SLC12A1: variants seen among roughly 807,000 people sequenced by gnomAD.
The protein encoded by SLC12A1 is solute carrier family 12 member 1, also known as Na-K-2Cl cotransporter.
Under a neutral mutation model 130.4 loss-of-function variants are expected in SLC12A1, and 89 were observed. That is an observed-to-expected ratio of 0.68 (90% confidence interval 0.58 to 0.81). The LOEUF (loss-of-function observed/expected upper bound fraction) is 0.81, where lower values mean the gene tolerates loss of function less well. Among genes scored for constraint, SLC12A1 ranks in the 40% least tolerant of loss-of-function variants. The pLI is 0.00. For missense variants in SLC12A1, 1,310 were observed against 1,336.4 expected (o/e 0.98, Z 0.31); for synonymous variants, 499 against 460.0 (o/e 1.08, Z -1.09).
intron 2 of SLC12A1, among the ~76,000 whole-genome samples, chr15:48,211,718 G>A (rs932293695): frequency 4.6e-5 from 7 of 152,072 alleles, no homozygotes; most frequent in East Asian, 3.8e-4. Context: ...TGGATTTTGC[G>A]TAAATTTTGG....
chr15:48,212,337 C>T (rs552447780), intron 2 of SLC12A1, among the ~76,000 whole-genome samples: 1 of 152,300 alleles, frequency 6.6e-6, no homozygotes, highest in Non-Finnish European at 1.5e-5. Flanking sequence ...TAAACATACA[C>T]ATATATCTAT....
chr15:48,302,785 A>G lies in SLC12A1; in HGVS notation c.3200A>G (p.Asp1067Gly). The change falls in exon 27 of 27, where the codon GAT becomes GGT. Residue 1067 changes from aspartate to glycine, a missense_variant. Coordinates refer to ENST00000380993, the MANE Select transcript of SLC12A1 (RefSeq NM_000338.3). The part of the protein sequence containing the change: ...LPVARKGSIS[D>G]LLYMAWLEIL... ...GTGGCAAGAAAGGGATCCATATCGG[A>G]TTTGTTGTATATGGCTTGGTTGGAA... The G allele has an allele frequency of 2.5e-6, 4 of 1,613,244 alleles. No individual in the cohort carries two copies. The highest frequency in any genetic ancestry group is 2.5e-6 in the Non-Finnish European group (3 of 1,179,504).
chr15:48,222,066 G>C (rs968401613), intron 4 of SLC12A1, among the ~76,000 whole-genome samples: 2 of 152,192 alleles, frequency 1.3e-5, no homozygotes, highest in African/African-American at 2.4e-5. Context: ...ACAGAGGGCT[G>C]CTTGCCGGTT....
At chr15:48,248,546 T>A (rs569675778) in intron 13 of SLC12A1, among the ~76,000 whole-genome samples, 2 of 152,242 alleles carry the variant, frequency 1.3e-5, no homozygotes, top group African/African-American at 2.4e-5. Context: ...CCTACTTTCT[T>A]GTTGGTATCC....
chr15:48,213,237 T>A (rs578254616), intron 2 of SLC12A1, among the ~76,000 whole-genome samples: 2 of 152,196 alleles, frequency 1.3e-5, no homozygotes, highest in African/African-American at 4.8e-5. Context: ...CACTTTTCAT[T>A]AACTCATTCA....
intron 2 of SLC12A1, among the ~76,000 whole-genome samples, chr15:48,218,785 G>T (rs2041160285): frequency 6.6e-6 from 1 of 152,122 alleles, no homozygotes; most frequent in Non-Finnish European, 1.5e-5. Context: ...TCCTAGAAAA[G>T]AAAACTGTTT....
At position 48,284,009 on chromosome 15, in the gene SLC12A1, C is replaced by T. The variant is rs1185870845; in HGVS notation, c.2486-1097C>T. Among the ~76,000 whole-genome samples the T allele has an allele frequency of 3.3e-5, 5 of 152,142 alleles. No homozygotes were observed. The South Asian group carries it at 6.2e-4, about 19-fold the overall frequency. On this transcript the variant is annotated intron_variant, in intron 20 of 26. Transcript: ENST00000380993. Reference sequence around the variant, plus strand: ...GCAGCTAGGAAATTTTCGTCACAATCGGAATCCAAAAAAGATAAAAGGCAG... The same window carrying T: ...GCAGCTAGGAAATTTTCGTCACAATTGGAATCCAAAAAAGATAAAAGGCAG...
chr15:48,256,182 G>A (rs1597433184), intron 16 of SLC12A1, among the ~76,000 whole-genome samples: 1 of 152,302 alleles, frequency 6.6e-6, no homozygotes, highest in East Asian at 1.9e-4. Flanking sequence ...ACTAGGTAAT[G>A]TGACTTCAGA....
At position 48,267,801 on chromosome 15, in the gene SLC12A1, C is replaced by T. The variant is rs559039363; in HGVS notation, c.2295+100C>T. On this transcript the variant is annotated intron_variant, in intron 18 of 26. Transcript: ENST00000380993. ...GAACAGCTGTAGTTAGGCAGCCAAG[C>T]ATCAGAGATCAGTGCAGATGGTTAA... 1.1e-5 allele frequency: 14 copies of T among 1,282,518 alleles called. No homozygotes were observed. In the African/African-American group the frequency reaches 1.9e-4, roughly 17 times the overall value. The allele number at this position is 1,282,518 out of a possible 1,614,324, so 79.4% of individuals were successfully genotyped here.
At chr15:48,230,336 A>C (rs957458166) in intron 6 of SLC12A1, 57 bp from the exon 7 acceptor site, 6 of 1,024,792 alleles carry the variant, frequency 5.9e-6, no homozygotes, top group Admixed American at 1.9e-5. Context: ...AAATGCTGCA[A>C]TAAGACTCAC....
intron 18 of SLC12A1, among the ~76,000 whole-genome samples, chr15:48,268,243 T>C (rs898727985): frequency 6.6e-6 from 1 of 152,178 alleles, no homozygotes; most frequent in Non-Finnish European, 1.5e-5. Context: ...AGTTCTCACA[T>C]CTTTTTTCCC....
At position 48,279,461 on chromosome 15, in the gene SLC12A1, C is replaced by T. The variant is rs180895938; in HGVS notation, c.2485+4808C>T. Reference sequence around the variant, plus strand: ...GCTTTATAGATAATTTACCAGCTAACGACAATTATTTTTATATTGTATCAC... The same window carrying T: ...GCTTTATAGATAATTTACCAGCTAATGACAATTATTTTTATATTGTATCAC... On this transcript the variant is annotated intron_variant, in intron 20 of 26. Transcript: ENST00000380993. Among the ~76,000 whole-genome samples the T allele has an allele frequency of 1.2e-3, 188 of 152,228 alleles. 2 individuals are homozygous for T. Among genetic ancestry groups the T allele is most frequent in the Admixed American group, 0.01 (155 of 15,284 alleles).
chr15:48,210,602 C>T (rs1212317970), intron 2 of SLC12A1, among the ~76,000 whole-genome samples: 2 of 151,580 alleles, frequency 1.3e-5, no homozygotes, highest in African/African-American at 2.4e-5. Context: ...TGCCTGTAAT[C>T]CTAGCACTTT....
chr15:48,259,250 T>C lies in SLC12A1; in HGVS notation c.2093T>C (p.Leu698Pro). The change falls in exon 17 of 27, where the codon CTG becomes CCG. Residue 698 changes from leucine (L) to proline (P), a missense_variant. Transcript: ENST00000380993. ...TGGPMTRPAL[L>P]DITHAFTKNS... ...GGACCCATGACAAGACCTGCTCTCC[T>C]GGACATAACTCACGCCTTTACCAAG... 1 of 1,613,926 alleles carries C rather than the reference T, an allele frequency of 6.2e-7. No homozygotes were observed. The highest frequency in any genetic ancestry group is 8.5e-7 in the Non-Finnish European group (1 of 1,179,826).
At chr15:48,289,854 A>G (rs916464687) in intron 23 of SLC12A1, among the ~76,000 whole-genome samples, 3 of 152,194 alleles carry the variant, frequency 2.0e-5, no homozygotes, top group African/African-American at 4.8e-5. Context: ...GCCCCAGGAC[A>G]CGACTACACT....
intron 2 of SLC12A1, among the ~76,000 whole-genome samples, chr15:48,211,600 C>T (rs750013602): frequency 6.6e-6 from 1 of 152,178 alleles, no homozygotes; most frequent in African/African-American, 2.4e-5. Flanking sequence ...TGACACAGTA[C>T]AAGCTAGACA....
At chr15:48,287,448 C>T (rs544824489) in intron 21 of SLC12A1, among the ~76,000 whole-genome samples, 13 of 151,662 alleles carry the variant, frequency 8.6e-5, no homozygotes, top group African/African-American at 3.1e-4. Flanking sequence ...GAAAAGAAAG[C>T]AGAAGAGTAA....
intron 23 of SLC12A1, among the ~76,000 whole-genome samples, chr15:48,291,035 T>C (rs1393520666): frequency 6.6e-6 from 1 of 151,906 alleles, no homozygotes; most frequent in African/African-American, 2.4e-5. Context: ...GTGCCTAATA[T>C]CTGCAACTGA....
intron 16 of SLC12A1, among the ~76,000 whole-genome samples, chr15:48,257,959 C>T (rs928004694): frequency 6.6e-6 from 1 of 152,194 alleles, no homozygotes; most frequent in African/African-American, 2.4e-5. Flanking sequence ...GAACACTTTG[C>T]TGCTTAGAAA....
Sources: allele counts gnomAD v4.1 joint callset (sites outside exome capture counted in the v4.1 genomes callset), GRCh38; gene constraint gnomAD v4.1.1; transcripts MANE v1.5; gene names NCBI Gene and HGNC (gene_info 2026-07-23, HGNC 2026-07-21).